The following OSBPL1A variants were observed in gnomAD, a reference collection of about 807,000 sequenced individuals.
OSBPL1A encodes the protein oxysterol binding protein like 1A.
Under a neutral mutation model 137.1 loss-of-function variants are expected in OSBPL1A, and 80 were observed. The ratio of observed to expected loss-of-function variants is 0.58; its 90% CI spans 0.49 to 0.70. The LOEUF (loss-of-function observed/expected upper bound fraction) is 0.70. Ranked by LOEUF, OSBPL1A falls within the 30% of genes least tolerant of loss-of-function variation. The pLI, the probability that OSBPL1A is intolerant of heterozygous loss-of-function variation, is 0.00. For missense variants in OSBPL1A, 970 were observed against 1,129.4 expected, an observed-to-expected ratio of 0.86 and a Z score of 2.02; for synonymous variants, 365 against 389.7, an observed-to-expected ratio of 0.94 and a Z score of 0.75.
chr18:24,328,463 A>G (rs936232416), intron 7 of OSBPL1A, among the ~76,000 whole-genome samples: 2 of 151,812 alleles, frequency 1.3e-5, no homozygotes, highest in Non-Finnish European at 2.9e-5. Context: ...CCATACTTAC[A>G]TGGGTTGATT....
intron 19 of OSBPL1A, among the ~76,000 whole-genome samples, chr18:24,180,102 A>T (rs2086560886): frequency 6.6e-6 from 1 of 152,204 alleles, no homozygotes; most frequent in Non-Finnish European, 1.5e-5. Flanking sequence ...AAGGACTTTT[A>T]AAAAACCCTC....
intron 2 of OSBPL1A, among the ~76,000 whole-genome samples, chr18:24,376,033 A>T (rs1906097904): frequency 6.6e-6 from 1 of 152,206 alleles, no homozygotes; most frequent in African/African-American, 2.4e-5. Context: ...AGCTCATAAA[A>T]GCAGTGTGGA....
intron 13 of OSBPL1A, among the ~76,000 whole-genome samples, chr18:24,310,432 CAAAAAAAA>C (rs3039412): frequency 1.1e-5 from 1 of 89,742 alleles, no homozygotes; most frequent in Non-Finnish European, 2.1e-5. Flanking sequence ...ACTAAAAATA[CAAAAAAAA>C]AAAAAAAAAA....
chr18:24,204,616 T>G (rs1348893398), intron 17 of OSBPL1A, among the ~76,000 whole-genome samples: 1 of 151,914 alleles, frequency 6.6e-6, no homozygotes, highest in Non-Finnish European at 1.5e-5. Context: ...TATATATTTC[T>G]TCTCTCTCAA....
At chr18:24,167,284 G>A in intron 25 of OSBPL1A, 45 bp downstream of exon 25, 1 of 1,548,978 alleles carries the variant, frequency 6.5e-7, no homozygotes, top group Non-Finnish European at 8.9e-7. Flanking sequence ...GCGCCACAAT[G>A]CTAAACACAG....
intron 19 of OSBPL1A, among the ~76,000 whole-genome samples, chr18:24,180,394 G>A (rs966098031): frequency 2.6e-5 from 4 of 151,974 alleles, no homozygotes; most frequent in South Asian, 2.1e-4. Flanking sequence ...ATTCCTTGCC[G>A]TCTTTTAACA....
At chr18:24,391,237 C>CA (rs927613386) in intron 1 of OSBPL1A, among the ~76,000 whole-genome samples, 1 of 152,128 alleles carries the variant, frequency 6.6e-6, no homozygotes, top group African/African-American at 2.4e-5. Context: ...CTAAAATAGT[C>CA]AAAGTCATAC....
intron 14 of OSBPL1A, among the ~76,000 whole-genome samples, chr18:24,292,125 T>C (rs944356172): frequency 6.6e-6 from 1 of 151,910 alleles, no homozygotes; most frequent in Non-Finnish European, 1.5e-5. Context: ...TAAATTGCAA[T>C]TGCATCTTCA....
At chr18:24,258,926 T>C (rs1015638792) in intron 15 of OSBPL1A, among the ~76,000 whole-genome samples, 11 of 49,654 alleles carry the variant, frequency 2.2e-4, no homozygotes, top group African/African-American at 7.0e-4. Flanking sequence ...AAATTACATC[T>C]TTTTTTTTTT....
intron 18 of OSBPL1A, among the ~76,000 whole-genome samples, chr18:24,187,425 A>AG: frequency 6.6e-6 from 1 of 152,262 alleles, no homozygotes; most frequent in South Asian, 2.1e-4. Context: ...TGTAAAACCA[A>AG]GGGGAAAAAA....
chr18:24,330,083 A>G (rs1283367791), intron 7 of OSBPL1A, among the ~76,000 whole-genome samples: 1 of 152,166 alleles, frequency 6.6e-6, no homozygotes, highest in Non-Finnish European at 1.5e-5. Flanking sequence ...ACTGAATATG[A>G]TATCTGCTTG....
chr18:24,346,524 G>A (rs1387126568), intron 4 of OSBPL1A, among the ~76,000 whole-genome samples: 1 of 151,994 alleles, frequency 6.6e-6, no homozygotes, highest in African/African-American at 2.4e-5. Context: ...AGTCTCTATG[G>A]ATTTGCCTAC....
At chr18:24,389,275 G>A (rs962774528) in intron 1 of OSBPL1A, among the ~76,000 whole-genome samples, 1 of 152,130 alleles carries the variant, frequency 6.6e-6, no homozygotes, top group African/African-American at 2.4e-5. Context: ...GAAATAATTA[G>A]ATGGAAAACA....
At chr18:24,357,727 A>T (rs2091560640) in intron 4 of OSBPL1A, 1 of 152,218 alleles carries the variant, frequency 6.6e-6, no homozygotes, top group Non-Finnish European at 1.5e-5. Context: ...TTGGTAAGAC[A>T]TATCTGATCC....
chr18:24,283,365 T>C (rs1238220893), intron 14 of OSBPL1A, among the ~76,000 whole-genome samples: 2 of 148,130 alleles, frequency 1.4e-5, no homozygotes, highest in Non-Finnish European at 1.5e-5. Context: ...AAGGCCAAAT[T>C]ATATTTTACC....
rs555799843 is a variant in OSBPL1A at position 24,326,151 on chromosome 18, G to GA, written c.625+6790dup. Among the ~76,000 whole-genome samples, 7 of 152,284 alleles carry GA rather than the reference G, an allele frequency of 4.6e-5. No homozygotes were observed. In the East Asian group the frequency reaches 7.7e-4, roughly 17 times the overall value. On this transcript the variant is annotated intron_variant, in intron 7 of 27. Coordinates refer to ENST00000319481, the MANE Select transcript of OSBPL1A (RefSeq NM_080597.4). Reference sequence around the variant, plus strand: ...TGTTCTTATCACTAGACTTTTGAGTGAAAAAATTATGTTATATCCACATGA... The same window carrying GA: ...TGTTCTTATCACTAGACTTTTGAGTGAAAAAAATTATGTTATATCCACATGA...
At chr18:24,177,558 C>G (rs1180717785) in intron 21 of OSBPL1A, among the ~76,000 whole-genome samples, 1 of 152,176 alleles carries the variant, frequency 6.6e-6, no homozygotes, top group Non-Finnish European at 1.5e-5. Flanking sequence ...TGCTTATTCT[C>G]TCCTAACTGG....
chr18:24,339,452 C>G (rs1422777021), intron 5 of OSBPL1A, among the ~76,000 whole-genome samples: 1 of 152,192 alleles, frequency 6.6e-6, no homozygotes, highest in Non-Finnish European at 1.5e-5. Flanking sequence ...TTCTGTTTCC[C>G]AAGCTAAGAC....
intron 1 of OSBPL1A, among the ~76,000 whole-genome samples, chr18:24,384,025 A>G (rs550097436): frequency 2.8e-4 from 42 of 152,376 alleles, no homozygotes; most frequent in Non-Finnish European, 4.7e-4. Context: ...GTGGCTGCAC[A>G]GAGGAGAAGG....
Sources: gnomAD v4.1 joint callset for allele counts (sites outside exome capture counted in the v4.1 genomes callset) on GRCh38, gnomAD v4.1.1 for gene constraint, MANE v1.5 for transcripts, NCBI Gene and HGNC (gene_info 2026-07-23, HGNC 2026-07-21) for gene names.